Variants in SNAP25 observed in about 807,000 individuals in gnomAD.
SNAP25 encodes synaptosome associated protein 25, also known as synaptosomal-associated protein 25.
Under a neutral mutation model 28.7 loss-of-function variants are expected in SNAP25, and 3 were observed. The observed-to-expected ratio is 0.10, with a 90% CI of 0.05 to 0.27. The LOEUF is 0.27. Among genes scored for constraint, SNAP25 ranks in the 10% least tolerant of loss-of-function variants. The pLI is 1.00. For synonymous variants in SNAP25, 61 were observed against 88.1 expected, an observed-to-expected ratio of 0.69 and a Z score of 1.72; for missense variants, 117 against 278.7, an observed-to-expected ratio of 0.42 and a Z score of 4.13.
intron 7 of SNAP25, among the ~76,000 whole-genome samples, chr20:10,303,423 C>A (rs2064286821): frequency 6.6e-6 from 1 of 152,136 alleles, no homozygotes; most frequent in Non-Finnish European, 1.5e-5. Context: ...TATGATTAAT[C>A]TGGAAATATG....
chr20:10,244,312 A>C (rs1471502184), intron 1 of SNAP25, among the ~76,000 whole-genome samples: 1 of 152,260 alleles, frequency 6.6e-6, no homozygotes, highest in Non-Finnish European at 1.5e-5. Flanking sequence ...CATTTGGGAA[A>C]GAGAGACATA....
rs574432380 is a variant in SNAP25 at position 10,263,468 on chromosome 20, C to T, written c.-63-11961C>T. 5.3e-5 allele frequency among the ~76,000 whole-genome samples: 8 copies of T among 152,258 alleles called. No homozygotes were observed. The South Asian group carries it at 1.7e-3, about 32-fold the overall frequency. The stretch of plus-strand genomic sequence containing the variant: ...AGCCTGAATACATACCAGCTTCCTT[C>T]CAGGTGTTGGTGTGGTCATAGCAGC... On this transcript the variant is annotated intron_variant, in intron 1 of 7. Coordinates refer to ENST00000254976, the MANE Select transcript of SNAP25 (RefSeq NM_130811.4).
At chr20:10,286,787 AT>A (rs1190236886) in intron 4 of SNAP25, among the ~76,000 whole-genome samples, 1 of 152,184 alleles carries the variant, frequency 6.6e-6, no homozygotes, top group East Asian at 1.9e-4. Flanking sequence ...TTTTCCTTCA[AT>A]TTTCACAATA....
rs2123120164 is a variant in SNAP25 at position 10,293,162 on chromosome 20, A to G, written c.165A>G (p.Glu55=). The change falls in exon 5 of 8, where the codon GAA becomes GAG. Residue 55 remains glutamate (E), a splice_region_variant and synonymous_variant. Coordinates refer to ENST00000254976, the MANE Select transcript of SNAP25 (RefSeq NM_130811.4). The surrounding 1 kb of genome is among the most constrained non-coding windows in gnomAD (Gnocchi z 5.6). The part of the protein sequence containing the change: ...RTLVMLDEQG[E]QLERIEEGMD... ...GATAAAATACTTGTGTTTAATCAGA[A>G]CAACTGGAACGCATTGAGGAAGGGA... 2 of 1,613,368 alleles carry G rather than the reference A, an allele frequency of 1.2e-6. No individual in the cohort carries two copies. Among genetic ancestry groups the G allele is most frequent in the Non-Finnish European group, 1.7e-6 (2 of 1,179,408 alleles).
At chr20:10,229,543 CA>C (rs1258313549) in intron 1 of SNAP25, among the ~76,000 whole-genome samples, 8 of 152,120 alleles carry the variant, frequency 5.3e-5, no homozygotes, top group Non-Finnish European at 7.4e-5. Flanking sequence ...AAAAGGCTTC[CA>C]AAACAACCCT....
At chr20:10,284,699 C>T in intron 3 of SNAP25, 25 bp from the exon 4 acceptor site, 1 of 1,600,754 alleles carries the variant, frequency 6.2e-7, no homozygotes. Context: ...TCCTTTTCAA[C>T]TTTGCTACCA....
intron 1 of SNAP25, among the ~76,000 whole-genome samples, chr20:10,243,632 C>T (rs149597891): frequency 7.9e-5 from 12 of 152,196 alleles, no homozygotes; most frequent in Admixed American, 2.6e-4. Flanking sequence ...TTGTTAGACT[C>T]GGGTTATGGG....
chr20:10,271,707 T>G (rs1412812463), intron 1 of SNAP25, among the ~76,000 whole-genome samples: 1 of 151,680 alleles, frequency 6.6e-6, no homozygotes, highest in African/African-American at 2.4e-5. Context: ...ACAGGAAACT[T>G]GAGTATGTGT....
Position 10,277,675 on chromosome 20 carries a change from T to TA in SNAP25, c.73-7dup, listed in dbSNP as rs1235668390. The TA allele has an allele frequency of 1.2e-6, 2 of 1,612,626 alleles. No homozygotes were observed. The highest frequency in any genetic ancestry group is 2.7e-5 in the African/African-American group (2 of 74,926). ...ATAAAGTTTATGTTTGTTTGTTTTT[T>TA]AAATCTTAGTCGCTGGAAAGCACCC... On this transcript the variant is annotated splice_polypyrimidine_tract_variant and intron_variant, in intron 2 of 7. Coordinates refer to ENST00000254976, the MANE Select transcript of SNAP25 (RefSeq NM_130811.4).
chr20:10,277,035 AGTC>A (rs916248265), intron 2 of SNAP25, among the ~76,000 whole-genome samples: 17 of 152,366 alleles, frequency 1.1e-4, no homozygotes, highest in Admixed American at 9.8e-4. Context: ...GTTGGATTCT[AGTC>A]GTTTCAAAAG....
intron 1 of SNAP25, among the ~76,000 whole-genome samples, chr20:10,268,778 G>C (rs1848743391): frequency 6.6e-6 from 1 of 152,118 alleles, no homozygotes; most frequent in African/African-American, 2.4e-5. Flanking sequence ...AGAATAAAGA[G>C]CTTTTCAAAT....
chr20:10,241,600 G>A (rs546328915), intron 1 of SNAP25, among the ~76,000 whole-genome samples: 15 of 152,148 alleles, frequency 9.9e-5, no homozygotes, highest in African/African-American at 3.1e-4. Context: ...CGAGAGAGAC[G>A]GGTCAGGGAA....
chr20:10,298,655 G>A (rs2064165248), intron 6 of SNAP25, among the ~76,000 whole-genome samples: 1 of 152,120 alleles, frequency 6.6e-6, no homozygotes, highest in Admixed American at 6.5e-5. Context: ...TAACATATGA[G>A]TAAATAAAAA....
intron 1 of SNAP25, among the ~76,000 whole-genome samples, chr20:10,265,526 A>G (rs1326735815): frequency 1.3e-5 from 2 of 152,210 alleles, no homozygotes; most frequent in Admixed American, 6.5e-5. Context: ...GAACATCGTC[A>G]GTGTGCTTTT....
intron 1 of SNAP25, among the ~76,000 whole-genome samples, chr20:10,224,817 A>G (rs1190286029): frequency 6.6e-6 from 1 of 151,652 alleles, no homozygotes; most frequent in Non-Finnish European, 1.5e-5. Flanking sequence ...TCTAGCACAT[A>G]CTGTCTCCTA....
chr20:10,262,672 G>A (rs1028597699), intron 1 of SNAP25, among the ~76,000 whole-genome samples: 3 of 152,190 alleles, frequency 2.0e-5, no homozygotes, highest in African/African-American at 7.2e-5. Context: ...TTATGTGATA[G>A]TGATTTATTA....
chr20:10,237,696 A>G (rs1053846679), intron 1 of SNAP25, among the ~76,000 whole-genome samples: 1 of 152,146 alleles, frequency 6.6e-6, no homozygotes, highest in Non-Finnish European at 1.5e-5. Flanking sequence ...CATGCAGGGT[A>G]TTATTAGCTT....
At chr20:10,273,328 C>T (rs2063631162) in intron 1 of SNAP25, among the ~76,000 whole-genome samples, 1 of 152,216 alleles carries the variant, frequency 6.6e-6, no homozygotes, top group Non-Finnish European at 1.5e-5. Context: ...AAATCATGCT[C>T]ATATGCAATG....
chr20:10,237,663 A>G (rs949926019), intron 1 of SNAP25, among the ~76,000 whole-genome samples: 8 of 152,148 alleles, frequency 5.3e-5, no homozygotes, highest in Non-Finnish European at 8.8e-5. Flanking sequence ...TTCATACATC[A>G]TCACATCCAG....
Sources: gnomAD v4.1 joint callset for allele counts (sites outside exome capture counted in the v4.1 genomes callset) on GRCh38, gnomAD v4.1.1 for gene constraint, Gnocchi (gnomAD v3.1) non-coding constraint, MANE v1.5 for transcripts, NCBI Gene and HGNC (gene_info 2026-07-23, HGNC 2026-07-21) for gene names.